CABIN1: variants seen among roughly 807,000 people sequenced by gnomAD.
The protein encoded by CABIN1 is calcineurin-binding protein cabin-1.
Under a neutral mutation model 227.7 loss-of-function variants are expected in CABIN1, and 133 were observed. The observed-to-expected ratio is 0.58, with a 90% CI of 0.51 to 0.67. The LOEUF is 0.67. Among genes scored for constraint, CABIN1 ranks in the 30% least tolerant of loss-of-function variants. CABIN1 has a pLI of 0.00. For synonymous variants in CABIN1, 1,086 were observed against 1,155.1 expected, an observed-to-expected ratio of 0.94 and a Z score of 1.21; for missense variants, 2,408 against 2,852.5, an observed-to-expected ratio of 0.84 and a Z score of 3.55.
chr22:24,103,860 G>A (rs2042354252), intron 26 of CABIN1, among the ~76,000 whole-genome samples: 1 of 152,112 alleles, frequency 6.6e-6, no homozygotes. Context: ...TGGATCTGAT[G>A]TCCCATGGTA....
intron 15 of CABIN1, among the ~76,000 whole-genome samples, chr22:24,064,563 GA>G (rs1426387724): frequency 9.9e-4 from 135 of 136,940 alleles, no homozygotes; most frequent in African/African-American, 3.6e-3. Context: ...GTTTCTCGCA[GA>G]GGGGGATTTG....
chr22:24,065,047 GGGT>G (rs2039515681), intron 15 of CABIN1, among the ~76,000 whole-genome samples: 2 of 152,216 alleles, frequency 1.3e-5, no homozygotes. Flanking sequence ...CTCCCAGAGG[GGGT>G]GGTGGCCGGG....
chr22:24,165,483 T>C (rs747534126), intron 30 of CABIN1, 47 bp from the exon 31 acceptor site: 16 of 1,515,646 alleles, frequency 1.1e-5, no homozygotes, highest in Non-Finnish European at 1.4e-5. Flanking sequence ...TGCCATGTGG[T>C]GTCAGATGCC....
rs1299366294 is a variant in CABIN1 at position 24,147,307 on chromosome 22, GCCTC to G, written c.4746+12910_4746+12913del. Among the ~76,000 whole-genome samples the G allele has an allele frequency of 5.5e-3, 293 of 53,110 alleles. 1 individual carries two copies. Among genetic ancestry groups the G allele is most frequent in the South Asian group, 0.03 (36 of 1,218 alleles). 34.8% of individuals were successfully genotyped at this position (53,110 alleles called of 152,430 possible). ...TCCCTCCCTGCCTCCCTGCCTCTCT[GCCTC>G]CCTCCCTCCCTCCCTCCTCTCCTCC... On this transcript the variant is annotated intron_variant, in intron 29 of 36. Transcript: ENST00000263119.
intron 4 of CABIN1, among the ~76,000 whole-genome samples, chr22:24,040,931 C>A (rs762300952): frequency 6.6e-5 from 10 of 152,176 alleles, no homozygotes; most frequent in Non-Finnish European, 1.3e-4. Flanking sequence ...CTATTAATAC[C>A]TCAGGGTGGT....
At chr22:24,134,277 T>C in intron 28 of CABIN1, 25 bp from the exon 29 acceptor site, 1 of 1,595,406 alleles carries the variant, frequency 6.3e-7, no homozygotes, top group Non-Finnish European at 8.6e-7. Context: ...CACACTCACT[T>C]TCAACCTACT....
chr22:24,087,692 G>GC lies in CABIN1; in HGVS notation c.3509dup (p.Glu1171Ter), dbSNP rs2041257931. On this transcript the variant is annotated frameshift_variant, in exon 23 of 37. Coordinates refer to ENST00000263119, the MANE Select transcript of CABIN1 (RefSeq NM_012295.4). LOFTEE classifies it high-confidence loss of function. ...AATTGAAGCAGTGGAGAGGCGAGCT[G>GC]CCCCCTGAGCTCGTGCAGCAGGTGA... 4 of 1,614,006 alleles carry GC rather than the reference G, an allele frequency of 2.5e-6. No homozygotes were observed. Among genetic ancestry groups the GC allele is most frequent in the Non-Finnish European group, 3.4e-6 (4 of 1,180,040 alleles).
Position 24,049,208 on chromosome 22 carries a change from T to C in CABIN1, c.644T>C (p.Met215Thr). ...QPCLRKDSLR[M>T]FLKCDMSIHD... is the part of the protein sequence containing the mutation. Reference sequence around the variant, plus strand: ...TGTCTCCGGAAGGACTCTCTCAGAATGTTCCTCAAATGGTAAGTCCTGCCT... The same window carrying C: ...TGTCTCCGGAAGGACTCTCTCAGAACGTTCCTCAAATGGTAAGTCCTGCCT... The change falls in exon 7 of 37, where the codon ATG becomes ACG. Residue 215 changes from methionine (M) to threonine (T), a missense_variant. By Grantham distance (81) the Met-to-Thr change is moderately conservative. Transcript: ENST00000263119. 1 of 1,613,876 alleles carries C rather than the reference T, an allele frequency of 6.2e-7. No homozygotes were observed. Among genetic ancestry groups the C allele is most frequent in the Non-Finnish European group, 8.5e-7 (1 of 1,179,958 alleles).
intron 29 of CABIN1, chr22:24,155,932 C>T (rs1018499458): frequency 6.8e-5 from 34 of 502,736 alleles, no homozygotes; most frequent in Non-Finnish European, 1.2e-4. Flanking sequence ...CTCCTGGGCC[C>T]GCTTCCAGTA....
Position 24,097,979 on chromosome 22 carries a change from A to G in CABIN1, c.3939-35A>G, listed in dbSNP as rs1163526238. 6 of 1,613,374 alleles carry G rather than the reference A, an allele frequency of 3.7e-6. No homozygotes were observed. The East Asian group carries it at 1.3e-4, about 36-fold the overall frequency. ...ACATCTGTTTCAATGTGAGGTGGAGACTCTGACCTGTGCCCCAAACCTCTG... is the reference window on the plus strand; with the variant it reads ...ACATCTGTTTCAATGTGAGGTGGAGGCTCTGACCTGTGCCCCAAACCTCTG... On this transcript the variant is annotated intron_variant, in intron 25 of 36. Transcript: ENST00000263119.
intron 26 of CABIN1, among the ~76,000 whole-genome samples, chr22:24,099,094 A>G (rs2042060022): frequency 1.3e-5 from 2 of 152,114 alleles, no homozygotes; most frequent in African/African-American, 4.8e-5. Context: ...TGGGCACTCT[A>G]GGGCACCATG....
chr22:24,051,370 C>A (rs544800315), intron 8 of CABIN1, among the ~76,000 whole-genome samples: 1 of 151,980 alleles, frequency 6.6e-6, no homozygotes, highest in Non-Finnish European at 1.5e-5. Flanking sequence ...TGGGCTTCTC[C>A]GCTCTCAAGT....
rs1454892679 is a variant in CABIN1, at chr22:24,095,922, T to C, written c.3787-9T>C. On this transcript the variant is annotated splice_polypyrimidine_tract_variant and intron_variant, in intron 24 of 36. Coordinates refer to ENST00000263119, the MANE Select transcript of CABIN1 (RefSeq NM_012295.4). Reference sequence around the variant, plus strand: ...AAGGCTGCTCACACTAGAGGTGTCGTTCTCCTAGGTGTACTTTCGGCTCCA... The same window carrying C: ...AAGGCTGCTCACACTAGAGGTGTCGCTCTCCTAGGTGTACTTTCGGCTCCA... 1.2e-6 allele frequency: 2 copies of C among 1,613,806 alleles called. No individual in the cohort carries two copies. The highest frequency in any genetic ancestry group is 2.7e-5 in the African/African-American group (2 of 74,878).
At chr22:24,069,562 CT>C (rs1569162527) in intron 16 of CABIN1, among the ~76,000 whole-genome samples, 1 of 152,158 alleles carries the variant, frequency 6.6e-6, no homozygotes, top group Admixed American at 6.5e-5. Context: ...ATTTAGTAGT[CT>C]TTATCATGCT....
chr22:24,132,732 C>T (rs887220012), intron 28 of CABIN1, among the ~76,000 whole-genome samples: 3 of 152,158 alleles, frequency 2.0e-5, no homozygotes, highest in East Asian at 1.9e-4. Context: ...GGATTAGAGG[C>T]GTGTGCCACC....
rs370717308 is a variant in CABIN1 at position 24,020,369 on chromosome 22, C to T, written c.-75+9002C>T. Among the ~76,000 whole-genome samples the T allele has an allele frequency of 6.1e-4, 93 of 152,072 alleles. 1 individual carries two copies. The South Asian group carries it at 0.018, about 29-fold the overall frequency. Reference sequence around the variant, plus strand: ...CGGGGTCTCACTTTGTCACCCAGGCCGGCATACAGTGGTGCAATTACTGCT... The same window carrying T: ...CGGGGTCTCACTTTGTCACCCAGGCTGGCATACAGTGGTGCAATTACTGCT... On this transcript the variant is annotated intron_variant, in intron 1 of 36. Coordinates refer to ENST00000263119, the MANE Select transcript of CABIN1 (RefSeq NM_012295.4).
chr22:24,062,751 C>G (rs765342596), intron 13 of CABIN1, among the ~76,000 whole-genome samples: 1 of 152,132 alleles, frequency 6.6e-6, no homozygotes, highest in African/African-American at 2.4e-5. Flanking sequence ...CCCTGACTCT[C>G]GGCAGGGGGC....
chr22:24,077,021 G>C (rs1035373114), intron 19 of CABIN1, among the ~76,000 whole-genome samples: 2 of 152,216 alleles, frequency 1.3e-5, no homozygotes, highest in South Asian at 2.1e-4. Context: ...TTTTGCAGTA[G>C]AGTGGCAGAG....
At chr22:24,104,909 ATCT>A (rs978449860) in intron 26 of CABIN1, among the ~76,000 whole-genome samples, 2 of 152,214 alleles carry the variant, frequency 1.3e-5, no homozygotes, top group African/African-American at 4.8e-5. Flanking sequence ...ACAAGCATAC[ATCT>A]TCTTCCTCAG....
Sources: allele counts gnomAD v4.1 joint callset (sites outside exome capture counted in the v4.1 genomes callset), GRCh38; gene constraint gnomAD v4.1.1; transcripts MANE v1.5; gene names NCBI Gene and HGNC (gene_info 2026-07-23, HGNC 2026-07-21).